The following PTPRD variants were observed in gnomAD, a reference collection of about 807,000 sequenced individuals.
PTPRD encodes the protein protein tyrosine phosphatase receptor type D, also known as receptor-type tyrosine-protein phosphatase delta.
PTPRD carries 34 observed loss-of-function variants against 214.5 expected under a neutral mutation model. The observed-to-expected ratio is 0.16, with a 90% CI of 0.12 to 0.21. The LOEUF (loss-of-function observed/expected upper bound fraction) is 0.21. Among genes scored for constraint, PTPRD ranks in the 10% least tolerant of loss-of-function variants. PTPRD has a pLI of 1.00. For synonymous variants in PTPRD, 1,128 were observed against 845.7 expected, an observed-to-expected ratio of 1.33 and a Z score of -5.79; for missense variants, 2,545 against 2,398.7, an observed-to-expected ratio of 1.06 and a Z score of -1.27.
intron 12 of PTPRD, among the ~76,000 whole-genome samples, chr9:8,676,995 G>A (rs113999018): frequency 2.6e-5 from 4 of 152,122 alleles, no homozygotes; most frequent in African/African-American, 9.7e-5. Flanking sequence ...GAATATTAAG[G>A]AAATTAATCG....
At chr9:9,482,681 C>T (rs1444350026) in intron 8 of PTPRD, among the ~76,000 whole-genome samples, 1 of 152,120 alleles carries the variant, frequency 6.6e-6, no homozygotes, top group Non-Finnish European at 1.5e-5. Flanking sequence ...GTTCTAAGCA[C>T]AACTTAAATA....
chr9:10,201,033 A>T (rs1389033700), intron 3 of PTPRD, among the ~76,000 whole-genome samples: 4 of 152,108 alleles, frequency 2.6e-5, no homozygotes. Context: ...ATTCTAAAGC[A>T]TAATGAATAA....
chr9:10,014,380 A>G (rs2096659291), intron 4 of PTPRD, among the ~76,000 whole-genome samples: 1 of 151,938 alleles, frequency 6.6e-6, no homozygotes, highest in Non-Finnish European at 1.5e-5. Flanking sequence ...TACTTTTCAC[A>G]TTTTATTATG....
At chr9:9,506,439 A>G (rs905141997) in intron 8 of PTPRD, among the ~76,000 whole-genome samples, 15 of 151,384 alleles carry the variant, frequency 9.9e-5, no homozygotes, top group African/African-American at 3.6e-4. Flanking sequence ...GATGGGTCCA[A>G]TCAATCTTTA....
intron 8 of PTPRD, among the ~76,000 whole-genome samples, chr9:9,436,986 C>G (rs2085532700): frequency 6.6e-6 from 1 of 152,060 alleles, no homozygotes; most frequent in South Asian, 2.1e-4. Flanking sequence ...ACTTTCTTCA[C>G]CCTTCTATCC....
At chr9:10,611,395 C>T (rs1291550655) in intron 2 of PTPRD, among the ~76,000 whole-genome samples, 1 of 152,094 alleles carries the variant, frequency 6.6e-6, no homozygotes, top group East Asian at 1.9e-4. Context: ...TTCTCTCCCT[C>T]TTGTGCAAAA....
intron 11 of PTPRD, among the ~76,000 whole-genome samples, chr9:8,950,861 T>C (rs932711481): frequency 6.6e-6 from 1 of 152,058 alleles, no homozygotes; most frequent in African/African-American, 2.4e-5. Context: ...GTCTACCTAC[T>C]CTACTTGTTC....
intron 9 of PTPRD, among the ~76,000 whole-genome samples, chr9:9,194,740 G>A (rs1239912098): frequency 6.6e-6 from 1 of 152,062 alleles, no homozygotes; most frequent in African/African-American, 2.4e-5. Context: ...GAGCGATAGT[G>A]GGAAAATAGT....
intron 10 of PTPRD, among the ~76,000 whole-genome samples, chr9:9,031,408 C>G (rs1016461332): frequency 2.6e-5 from 4 of 151,980 alleles, no homozygotes; most frequent in Non-Finnish European, 4.4e-5. Flanking sequence ...CACAACTCGG[C>G]TATGCGGTAT....
At position 8,710,862 on chromosome 9, in the gene PTPRD, T is replaced by A. The variant is rs150587537; in HGVS notation, c.64+22918A>T. 3.2e-3 allele frequency among the ~76,000 whole-genome samples: 481 copies of A among 152,270 alleles called. 3 individuals carry two copies. The highest frequency in any genetic ancestry group is 0.011 in the African/African-American group (456 of 41,564). On this transcript the variant is annotated intron_variant, in intron 12 of 45. Transcript: ENST00000381196. ...CACAGAATTATTCTCAGGATCTCCA[T>A]CAAACGAATAAAACTAGCCTTAAAC...
At position 8,471,101 on chromosome 9, in the gene PTPRD, T is replaced by C. The variant is rs759306234; in HGVS notation, c.3414-16A>G. The C allele has an allele frequency of 5.0e-6, 8 of 1,604,590 alleles. No homozygotes were observed. The Admixed American group carries it at 1.0e-4, about 20-fold the overall frequency. On this transcript the variant is annotated splice_polypyrimidine_tract_variant and intron_variant, in intron 30 of 45. Coordinates refer to ENST00000381196, the MANE Select transcript of PTPRD (RefSeq NM_002839.4). ...GTAGTAACCTCTGCACAAGAATGAA[T>C]AGATAAAAGTTAGGTTAGTTGAAAG...
In PTPRD at chr9:9,640,760, T is replaced by C. The variant is rs2095914311; in HGVS notation, c.-286-65979A>G. Among the ~76,000 whole-genome samples the C allele has an allele frequency of 2.0e-5, 3 of 152,136 alleles. No homozygotes were observed. The South Asian group carries it at 6.2e-4, about 31-fold the overall frequency. On this transcript the variant is annotated intron_variant, in intron 7 of 45. Transcript: ENST00000381196. ...GTAGAGGGGTGACCCCAGGAAGCAA[T>C]AAATCAAAAAGAAGGGAGAAGAGAA... is the stretch of plus-strand genomic sequence containing the variant.
At chr9:9,438,372 A>T (rs2086168148) in intron 8 of PTPRD, among the ~76,000 whole-genome samples, 1 of 152,334 alleles carries the variant, frequency 6.6e-6, no homozygotes, top group South Asian at 2.1e-4. Context: ...TGTTCTGTGG[A>T]ACTGAGAAAT....
chr9:10,322,515 T>C (rs1203333016), intron 3 of PTPRD, among the ~76,000 whole-genome samples: 1 of 152,078 alleles, frequency 6.6e-6, no homozygotes, highest in Non-Finnish European at 1.5e-5. Context: ...TATATTTGCA[T>C]CTACAACTGA....
chr9:8,676,558 T>C (rs1372881828), intron 12 of PTPRD, among the ~76,000 whole-genome samples: 1 of 151,618 alleles, frequency 6.6e-6, no homozygotes, highest in Non-Finnish European at 1.5e-5. Flanking sequence ...GATTTTTGTG[T>C]GGGTTTCTTT....
At chr9:8,872,439 T>C (rs538200217) in intron 11 of PTPRD, among the ~76,000 whole-genome samples, 1 of 152,214 alleles carries the variant, frequency 6.6e-6, no homozygotes, top group African/African-American at 2.4e-5. Context: ...TGTTGTATTA[T>C]TACAATCCTG....
At chr9:10,571,965 C>T (rs952578260) in intron 2 of PTPRD, among the ~76,000 whole-genome samples, 1 of 152,140 alleles carries the variant, frequency 6.6e-6, no homozygotes, top group Non-Finnish European at 1.5e-5. Flanking sequence ...AGACCAGTAC[C>T]AGTCTGCTGC....
intron 2 of PTPRD, among the ~76,000 whole-genome samples, chr9:10,406,016 T>A (rs1160068304): frequency 6.6e-6 from 1 of 151,310 alleles, no homozygotes; most frequent in African/African-American, 2.4e-5. Context: ...TTGTAAACTA[T>A]CCATTATAAG....
rs146723807 is a variant in PTPRD at position 8,571,964 on chromosome 9, T to C, written c.353-43185A>G. Among the ~76,000 whole-genome samples the C allele has an allele frequency of 1.7e-3, 261 of 152,242 alleles. 1 individual carries two copies. The highest frequency in any genetic ancestry group is 5.0e-3 in the Admixed American group (76 of 15,276). The stretch of plus-strand genomic sequence containing the variant: ...TGCATGGCAGAGGAAGGAATAAAAC[T>C]GTGAAAGAATTAAAGTTGGTGGATG... On this transcript the variant is annotated intron_variant, in intron 14 of 45. Transcript: ENST00000381196.
Sources: gnomAD v4.1 joint callset for allele counts (sites outside exome capture counted in the v4.1 genomes callset) on GRCh38, gnomAD v4.1.1 for gene constraint, MANE v1.5 for transcripts, NCBI Gene and HGNC (gene_info 2026-07-23, HGNC 2026-07-21) for gene names.